Variants in MDC1 observed in about 807,000 individuals in gnomAD.
MDC1 encodes mediator of DNA damage checkpoint 1, also known as mediator of DNA damage checkpoint protein 1.
In MDC1, 81 loss-of-function variants were observed where a neutral mutation model predicts 142.5. The observed-to-expected ratio is 0.57, with a 90% CI of 0.47 to 0.68. MDC1 has a LOEUF of 0.68. Ranked by LOEUF, MDC1 falls within the 30% of genes least tolerant of loss-of-function variation. The pLI is 0.00. For synonymous variants in MDC1, 797 were observed against 968.4 expected, an observed-to-expected ratio of 0.82 and a Z score of 3.29; for missense variants, 2,119 against 2,547.9, an observed-to-expected ratio of 0.83 and a Z score of 3.62.
Position 30,707,426 on chromosome 6 carries a change from A to G in MDC1, c.3042T>C (p.Ala1014=). 6.2e-7 allele frequency: 1 copy of G among 1,613,138 alleles called. No homozygotes were observed. Among genetic ancestry groups the G allele is most frequent in the Non-Finnish European group, 8.5e-7 (1 of 1,180,032 alleles). The change falls in exon 9 of 15, where the codon GCT becomes GCC. Residue 1014 remains alanine (A), a synonymous_variant. Coordinates refer to ENST00000376406, the MANE Select transcript of MDC1 (RefSeq NM_014641.3). The stretch of plus-strand genomic sequence containing the variant: ...CAGCTCTGATCCTGGAAGCCTTCTC[A>G]GCAGGTGGCATCTTGCAATTCAGGA... ...KGLLNCKMPP[A]EKASRIRAAE...
At chr6:30,706,483 G>A (rs937164994) in intron 9 of MDC1, among the ~76,000 whole-genome samples, 4 of 152,012 alleles carry the variant, frequency 2.6e-5, no homozygotes, top group Non-Finnish European at 5.9e-5. Context: ...TTAGCCGGGC[G>A]TGGTGGCGGG....
At chr6:30,701,951 A>T (rs1268493591) in intron 14 of MDC1, among the ~76,000 whole-genome samples, 1 of 152,112 alleles carries the variant, frequency 6.6e-6, no homozygotes, top group African/African-American at 2.4e-5. Flanking sequence ...AAAGAAATGA[A>T]ATACTTCAGC....
In MDC1 at chr6:30,703,852, C is replaced by A. The variant is rs1394801891; in HGVS notation, c.5331G>T (p.Gln1777His). ...AGGCATGAATTGGTGTCTCAAGAAG[C>A]TGGGGAGAGGCAGGCTCAGGAATGG... ...LTAIPEPASP[Q>H]LLETPIHASQ... The change falls in exon 10 of 15, where the codon CAG becomes CAT. Residue 1777 changes from glutamine (Q) to histidine (H), a missense_variant. Physicochemically the swap from Gln to His is conservative, Grantham distance 24. Coordinates refer to ENST00000376406, the MANE Select transcript of MDC1 (RefSeq NM_014641.3). This position sits in a 1 kb window ranked among gnomAD's most constrained non-coding sequence, Gnocchi z 4.4. The A allele has an allele frequency of 6.2e-7, 1 of 1,613,556 alleles. No homozygotes were observed. The highest frequency in any genetic ancestry group is 1.3e-5 in the African/African-American group (1 of 75,014).
In MDC1 at chr6:30,704,679, T is replaced by G. The variant is rs1169831984; in HGVS notation, c.4504A>C (p.Thr1502Pro). ...TAPELQASAS[T>P]DQPVTSEPTS... is the part of the protein sequence containing the mutation. Reference sequence around the variant, plus strand: ...GGCTCAGAGGTGACAGGCTGGTCTGTGGAGGCGGAAGCCTGTAGCTCAGGG... The same window carrying G: ...GGCTCAGAGGTGACAGGCTGGTCTGGGGAGGCGGAAGCCTGTAGCTCAGGG... Residue 1502 changes from threonine to proline, a missense_variant, in exon 10 of 15, where the codon ACA (threonine) becomes CCA (proline). Thr to Pro is a conservative substitution (Grantham distance 38, BLOSUM62 -1). Coordinates refer to ENST00000376406, the MANE Select transcript of MDC1 (RefSeq NM_014641.3). 1.2e-6 allele frequency: 2 copies of G among 1,610,360 alleles called. No homozygotes were observed. Among genetic ancestry groups the G allele is most frequent in the South Asian group, 2.2e-5 (2 of 90,852 alleles).
Position 30,707,710 on chromosome 6 carries a change from C to CCTGGCTCCCTCCCT in MDC1, c.2855_2868dup (p.Asp957ArgfsTer46). ...GGGCTGGAGGCCTGCCCTTTCTGGTCCTGGCTCCCTCCCTCTGGCTCCCCT... is the reference window on the plus strand; with the variant it reads ...GGGCTGGAGGCCTGCCCTTTCTGGTCCTGGCTCCCTCCCTCTGGCTCCCTCCCTCTGGCTCCCCT... On this transcript the variant is annotated frameshift_variant, in exon 8 of 15. Transcript: ENST00000376406. LOFTEE classifies it high-confidence loss of function. 6.2e-7 allele frequency: 1 copy of CCTGGCTCCCTCCCT among 1,613,104 alleles called. No homozygotes were observed. Among genetic ancestry groups the CCTGGCTCCCTCCCT allele is most frequent in the African/African-American group, 1.3e-5 (1 of 75,056 alleles).
In MDC1 at chr6:30,712,638, ATG is replaced by A. The variant is rs1174417008; in HGVS notation, c.1302_1303del (p.Met435AlafsTer15). 1.2e-6 allele frequency: 2 copies of A among 1,612,834 alleles called. No individual in the cohort carries two copies. On this transcript the variant is annotated frameshift_variant, in exon 5 of 15. Coordinates refer to ENST00000376406, the MANE Select transcript of MDC1 (RefSeq NM_014641.3). LOFTEE classifies it high-confidence loss of function. The surrounding 1 kb of genome is among the most constrained non-coding windows in gnomAD (Gnocchi z 4.7). Reference sequence around the variant, plus strand: ...CTGCAGAAGGACCACACGTTGGGGCATGTCCTCTTCTGCATCTCTGTTCCATA... The same window carrying A: ...CTGCAGAAGGACCACACGTTGGGGCATCCTCTTCTGCATCTCTGTTCCATA...
chr6:30,700,172 A>T lies in MDC1; in HGVS notation c.*293T>A. 5 of 303,754 alleles carry T rather than the reference A, an allele frequency of 1.6e-5. No individual in the cohort carries two copies. The highest frequency in any genetic ancestry group is 3.0e-5 in the Non-Finnish European group (5 of 166,378). The allele number at this position is 303,754 out of a possible 1,614,324, so 18.8% of individuals were successfully genotyped here. A position where few individuals can be genotyped will look rare whatever the true frequency, so the allele number is the denominator to read the frequency against. On this transcript the variant is annotated 3_prime_UTR_variant, in exon 15 of 15. Transcript: ENST00000376406. ...GAGCATGAAACTAGCTAATTTTAAA[A>T]TGGCCATTTAATACATGCATGTAAG...
At chr6:30,702,312 G>A (rs1454895134) in intron 14 of MDC1, among the ~76,000 whole-genome samples, 1 of 148,032 alleles carries the variant, frequency 6.8e-6, no homozygotes, top group Non-Finnish European at 1.5e-5. Context: ...GATAGATGGA[G>A]CAAATGTAGC....
rs146447757 is a variant in MDC1 at position 30,705,654 on chromosome 6, G to A, written c.3529C>T (p.Pro1177Ser). The stretch of plus-strand genomic sequence containing the variant: ...TGAGATGTGGGCTCAGAGGTGACAG[G>A]CTGGTCTGTGGAGGTGGAAGGCTGG... ...ELQPSTSTDQPVTSEPTSQVT... is the reference protein window; with the variant it reads ...ELQPSTSTDQSVTSEPTSQVT... Residue 1177 changes from proline to serine, a missense_variant, in exon 10 of 15, where the codon CCT (proline) becomes TCT (serine). By Grantham distance (74) the Pro-to-Ser change is moderately conservative. Coordinates refer to ENST00000376406, the MANE Select transcript of MDC1 (RefSeq NM_014641.3). 6.8e-6 allele frequency: 11 copies of A among 1,607,476 alleles called. No individual in the cohort carries two copies. The highest frequency in any genetic ancestry group is 9.3e-6 in the Non-Finnish European group (11 of 1,176,832).
chr6:30,713,809 C>G lies in MDC1; in HGVS notation c.511G>C (p.Glu171Gln). ...TGCCAATATACAAACTTACCTACTT[C>G]CTCCTCCGAGTCCTCAGCCAACAGA... ...RLLLAEDSEE[E>Q]VDFLSERRMV... Residue 171 changes from glutamate to glutamine, a missense_variant, in exon 3 of 15, where the codon GAA (glutamate) becomes CAA (glutamine). Coordinates refer to ENST00000376406, the MANE Select transcript of MDC1 (RefSeq NM_014641.3). The surrounding 1 kb of genome is among the most constrained non-coding windows in gnomAD (Gnocchi z 4.9). 1 of 1,613,886 alleles carries G rather than the reference C, an allele frequency of 6.2e-7. No individual in the cohort carries two copies. Among genetic ancestry groups the G allele is most frequent in the South Asian group, 1.1e-5 (1 of 91,072 alleles).
intron 14 of MDC1, among the ~76,000 whole-genome samples, chr6:30,701,287 G>A (rs1772632995): frequency 6.6e-6 from 1 of 151,868 alleles, no homozygotes; most frequent in African/African-American, 2.4e-5. Flanking sequence ...TGTAGTCCCA[G>A]CTACTCGGGA....
chr6:30,708,569 C>T (rs1774301539), intron 7 of MDC1, among the ~76,000 whole-genome samples: 1 of 152,032 alleles, frequency 6.6e-6, no homozygotes, highest in South Asian at 2.1e-4. Flanking sequence ...AGGTCATAGC[C>T]TTAGGCGGGC....
intron 7 of MDC1, 137 bp downstream of exon 7, chr6:30,711,275 C>G: frequency 1.4e-6 from 1 of 720,672 alleles, no homozygotes; most frequent in Admixed American, 2.3e-5. Flanking sequence ...ACCTGGGAAG[C>G]TGAAGGAAGA....
Position 30,713,393 on chromosome 6 carries a change from C to T in MDC1, c.588-39G>A. 6.6e-7 allele frequency: 1 copy of T among 1,515,294 alleles called. No homozygotes were observed. Among genetic ancestry groups the T allele is most frequent in the Non-Finnish European group, 8.8e-7 (1 of 1,138,972 alleles). 93.9% of individuals were successfully genotyped at this position (1,515,294 alleles called of 1,614,324 possible). On this transcript the variant is annotated intron_variant, in intron 4 of 14. Coordinates refer to ENST00000376406, the MANE Select transcript of MDC1 (RefSeq NM_014641.3). This position sits in a 1 kb window ranked among gnomAD's most constrained non-coding sequence, Gnocchi z 4.9. ...AAAAGAGAGTCTATAGAATTTATTT[C>T]CCTGGAAGGGATACCCCAACTCAAC...
chr6:30,702,253 T>C lies in MDC1; in HGVS notation c.6102+300A>G, dbSNP rs559791998. 2.1e-4 allele frequency among the ~76,000 whole-genome samples: 14 copies of C among 66,488 alleles called. No individual in the cohort carries two copies. The South Asian group carries it at 7.5e-3, about 36-fold the overall frequency. 43.6% of individuals were successfully genotyped at this position (66,488 alleles called of 152,430 possible). A position where few individuals can be genotyped will look rare whatever the true frequency, so the allele number is the denominator to read the frequency against. On this transcript the variant is annotated intron_variant, in intron 14 of 14. Transcript: ENST00000376406. ...ACTCCAGCCTGAGAGTGAGACTCCA[T>C]CTCAAAAAAAAAAAAAAAAAAAAAA...
In MDC1 at chr6:30,703,424, G is replaced by A. The variant is rs777267878; in HGVS notation, c.5676C>T (p.Ala1892=). 6.2e-6 allele frequency: 10 copies of A among 1,613,728 alleles called. 1 individual carries two copies. The highest frequency in any genetic ancestry group is 7.6e-6 in the Non-Finnish European group (9 of 1,180,042). Residue 1892 remains alanine, a synonymous_variant, in exon 11 of 15, where the codon GCC becomes GCT. Transcript: ENST00000376406. The surrounding 1 kb of genome is among the most constrained non-coding windows in gnomAD (Gnocchi z 4.4). ...CCATGCCTTTGTCTCTTACTTTGGG[G>A]GCTGTTGATTCTTGGTTAAGTTTGG... ...RRTKLNQEST[A]PKVLFTGVVD... is the part of the protein sequence containing the mutation.
Position 30,716,993 on chromosome 6 carries a change from C to T in MDC1, c.-4+252G>A, listed in dbSNP as rs921423713. On this transcript the variant is annotated intron_variant, in intron 1 of 14. Coordinates refer to ENST00000376406, the MANE Select transcript of MDC1 (RefSeq NM_014641.3). This position sits in a 1 kb window ranked among gnomAD's most constrained non-coding sequence, Gnocchi z 4.4. ...GACAGGCCAACTCAGCGGGTGCCCACCACGCTTGGCTCCAATTCAAAGAGC... is the reference window on the plus strand; with the variant it reads ...GACAGGCCAACTCAGCGGGTGCCCATCACGCTTGGCTCCAATTCAAAGAGC... 7 of 811,910 alleles carry T rather than the reference C, an allele frequency of 8.6e-6. No homozygotes were observed. Among genetic ancestry groups the T allele is most frequent in the African/African-American group, 1.9e-5 (1 of 53,652 alleles). 50.3% of individuals were successfully genotyped at this position (811,910 alleles called of 1,614,324 possible).
At chr6:30,714,472 A>G (rs1176392720) in intron 2 of MDC1, among the ~76,000 whole-genome samples, 2 of 152,038 alleles carry the variant, frequency 1.3e-5, no homozygotes, top group Non-Finnish European at 2.9e-5. Context: ...TGCAATCATC[A>G]CTACCATCCA....
chr6:30,700,617 T>G lies in MDC1; in HGVS notation c.6118A>C (p.Ile2040Leu). Reference sequence around the variant, plus strand: ...TGAGGGAAGTCCTGAGGGCATGTGATCACAACTCTCTGAGGCTGGGGAAGA... The same window carrying G: ...TGAGGGAAGTCCTGAGGGCATGTGAGCACAACTCTCTGAGGCTGGGGAAGA... ...PRSYKPQRVV[I>L]TCPQDFPHCS... The change falls in exon 15 of 15, where the codon ATC becomes CTC. Residue 2040 changes from isoleucine to leucine, a missense_variant. Coordinates refer to ENST00000376406, the MANE Select transcript of MDC1 (RefSeq NM_014641.3). 2 of 1,612,824 alleles carry G rather than the reference T, an allele frequency of 1.2e-6. No individual in the cohort carries two copies. Among genetic ancestry groups the G allele is most frequent in the Non-Finnish European group, 8.5e-7 (1 of 1,179,938 alleles).
Sources: allele counts gnomAD v4.1 joint callset (sites outside exome capture counted in the v4.1 genomes callset), GRCh38; gene constraint gnomAD v4.1.1; non-coding constraint Gnocchi (gnomAD v3.1); transcripts MANE v1.5; gene names NCBI Gene and HGNC (gene_info 2026-07-23, HGNC 2026-07-21).